Variants in DLG2 observed in about 807,000 individuals in gnomAD.
DLG2 encodes the protein disks large homolog 2.
In DLG2, 45 loss-of-function variants were observed where a neutral mutation model predicts 132.5. That is an observed-to-expected ratio of 0.34 (90% CI 0.27 to 0.44). The LOEUF (loss-of-function observed/expected upper bound fraction) is 0.44, where lower values mean the gene tolerates loss of function less well. Ranked by LOEUF, DLG2 falls within the 20% of genes least tolerant of loss-of-function variation. DLG2 has a pLI of 1.00. For missense variants in DLG2, 1,045 were observed against 1,196.9 expected, an observed-to-expected ratio of 0.87 and a Z score of 1.87; for synonymous variants, 424 against 419.6, an observed-to-expected ratio of 1.01 and a Z score of -0.13.
chr11:84,262,620 C>T (rs998939083), intron 7 of DLG2, among the ~76,000 whole-genome samples: 1 of 151,920 alleles, frequency 6.6e-6, no homozygotes, highest in African/African-American at 2.4e-5. Context: ...TTTTCGTGCA[C>T]GCATCACTCG....
chr11:84,317,184 C>T lies in DLG2; in HGVS notation c.520-65893G>A, dbSNP rs1385274569. 2.5e-6 allele frequency: 4 copies of T among 1,569,324 alleles called. No homozygotes were observed. In the African/African-American group the frequency reaches 4.1e-5, roughly 16 times the overall value. ...CTACTCTTTCCTTTGGTCAGCTCTGCACAGAAATGTCTCCTCCCTCACACC... is the reference window on the plus strand; with the variant it reads ...CTACTCTTTCCTTTGGTCAGCTCTGTACAGAAATGTCTCCTCCCTCACACC... On this transcript the variant is annotated intron_variant, in intron 7 of 27. Transcript: ENST00000376104.
At chr11:84,489,945 A>C (rs958924222) in intron 7 of DLG2, among the ~76,000 whole-genome samples, 1 of 152,128 alleles carries the variant, frequency 6.6e-6, no homozygotes, top group African/African-American at 2.4e-5. Context: ...AGTTAAAAAG[A>C]GAGGAAGAGG....
chr11:84,699,153 G>A (rs1050308215), intron 6 of DLG2, among the ~76,000 whole-genome samples: 2 of 151,400 alleles, frequency 1.3e-5, no homozygotes, highest in African/African-American at 4.8e-5. Context: ...TTTCTTCTTG[G>A]AAAAGTGCAA....
intron 15 of DLG2, among the ~76,000 whole-genome samples, chr11:83,879,500 T>G (rs2065608400): frequency 2.6e-5 from 4 of 152,210 alleles, no homozygotes; most frequent in Admixed American, 2.0e-4. Context: ...TTCTTTCTTC[T>G]CTTTTTCTGT....
intron 6 of DLG2, among the ~76,000 whole-genome samples, chr11:84,886,490 T>G (rs4486658): frequency 6.6e-6 from 1 of 151,880 alleles, no homozygotes; most frequent in African/African-American, 2.4e-5. Flanking sequence ...CTTGAAGAAA[T>G]GACTATGCTT....
chr11:84,436,569 C>T (rs983763092), intron 7 of DLG2, among the ~76,000 whole-genome samples: 1 of 152,152 alleles, frequency 6.6e-6, no homozygotes, highest in African/African-American at 2.4e-5. Flanking sequence ...CAATGCCTAC[C>T]GCATTGGATA....
chr11:85,013,828 G>A (rs1172330073), intron 6 of DLG2, among the ~76,000 whole-genome samples: 1 of 152,142 alleles, frequency 6.6e-6, no homozygotes, highest in Non-Finnish European at 1.5e-5. Context: ...ACGTTCATGT[G>A]AGCAGCAGTT....
chr11:84,844,295 A>C (rs530040315), intron 6 of DLG2, among the ~76,000 whole-genome samples: 1 of 151,010 alleles, frequency 6.6e-6, no homozygotes, highest in South Asian at 2.1e-4. Flanking sequence ...TTTTGCAGGG[A>C]TCTTGATACA....
At chr11:85,514,085 A>C (rs1224606729) in intron 3 of DLG2, among the ~76,000 whole-genome samples, 2 of 151,866 alleles carry the variant, frequency 1.3e-5, no homozygotes, top group Non-Finnish European at 2.9e-5. Flanking sequence ...ATTTTGTAAA[A>C]CTCAGATTTA....
At chr11:85,086,489 GA>G (rs1593920834) in intron 6 of DLG2, among the ~76,000 whole-genome samples, 2 of 152,024 alleles carry the variant, frequency 1.3e-5, no homozygotes, top group East Asian at 1.9e-4. Context: ...CCTAGAGGAA[GA>G]AAAAAATAAA....
chr11:84,017,273 T>C (rs1457300996), intron 11 of DLG2, among the ~76,000 whole-genome samples: 2 of 152,026 alleles, frequency 1.3e-5, no homozygotes, highest in African/African-American at 2.4e-5. Context: ...TAATAAAGTA[T>C]AGTCTTCTGC....
intron 3 of DLG2, among the ~76,000 whole-genome samples, chr11:85,486,940 A>G (rs2093442452): frequency 6.6e-6 from 1 of 151,802 alleles, no homozygotes; most frequent in Non-Finnish European, 1.5e-5. Flanking sequence ...CAATGGTCCA[A>G]CTAGTGTCCT....
intron 17 of DLG2, among the ~76,000 whole-genome samples, chr11:83,817,260 T>C (rs2049283248): frequency 1.3e-5 from 2 of 152,166 alleles, no homozygotes; most frequent in Admixed American, 1.3e-4. Context: ...TTCTGTGTGT[T>C]TTTGGAAGGT....
At chr11:84,554,773 TA>T in intron 6 of DLG2, among the ~76,000 whole-genome samples, 1 of 151,108 alleles carries the variant, frequency 6.6e-6, no homozygotes, top group East Asian at 2.0e-4. Context: ...ATGAAGGAAA[TA>T]AAGTCAAGGA....
At chr11:84,735,742 G>T (rs146985272) in intron 6 of DLG2, among the ~76,000 whole-genome samples, 21,947 of 151,668 alleles carry the variant, frequency 0.14, 2,385 homozygotes, top group African/African-American at 0.3. Context: ...GTGTCAATTT[G>T]AGATCTTTCC....
chr11:84,735,834 A>T (rs2153817316), intron 6 of DLG2, among the ~76,000 whole-genome samples: 1 of 152,142 alleles, frequency 6.6e-6, no homozygotes, highest in Middle Eastern at 3.4e-3. Context: ...TATATGTTGC[A>T]TATAGTTTTT....
Position 83,473,450 on chromosome 11 carries a change from C to T in DLG2, c.2294-673G>A, listed in dbSNP as rs147709500. On this transcript the variant is annotated intron_variant, in intron 22 of 27. Transcript: ENST00000376104. ...CCCTCCAATGTCATCTGCTACAAGC[C>T]TTCTGACTCAGGGTGGACCTCAAGT... Among the ~76,000 whole-genome samples the T allele has an allele frequency of 1.7e-3, 252 of 152,216 alleles. 4 individuals carry two copies. The highest frequency in any genetic ancestry group is 5.8e-3 in the African/African-American group (241 of 41,552).
At chr11:84,877,862 A>T (rs1163391765) in intron 6 of DLG2, among the ~76,000 whole-genome samples, 4 of 152,150 alleles carry the variant, frequency 2.6e-5, no homozygotes, top group Admixed American at 1.3e-4. Context: ...ACTTAAACAA[A>T]TTTACAAGAA....
At chr11:85,162,972 T>C (rs889990726) in intron 4 of DLG2, among the ~76,000 whole-genome samples, 1 of 152,102 alleles carries the variant, frequency 6.6e-6, no homozygotes, top group African/African-American at 2.4e-5. Flanking sequence ...ATAGGCACCA[T>C]CTAATAACTG....
Sources: allele counts gnomAD v4.1 joint callset (sites outside exome capture counted in the v4.1 genomes callset), GRCh38; gene constraint gnomAD v4.1.1; transcripts MANE v1.5; gene names NCBI Gene and HGNC (gene_info 2026-07-23, HGNC 2026-07-21).